The following THSD7B variants were observed in gnomAD, a reference collection of about 807,000 sequenced individuals.
THSD7B encodes the protein thrombospondin type 1 domain containing 7B.
Under a neutral mutation model 213.6 loss-of-function variants are expected in THSD7B, and 138 were observed. The observed-to-expected ratio is 0.65, with a 90% CI of 0.56 to 0.74. THSD7B has a LOEUF of 0.74. Ranked by LOEUF, THSD7B falls within the 30% of genes least tolerant of loss-of-function variation. The pLI is 0.00. For synonymous variants in THSD7B, 742 were observed against 687.0 expected (o/e 1.08, Z -1.25); for missense variants, 1,931 against 1,991.5 (o/e 0.97, Z 0.58).
intron 12 of THSD7B, among the ~76,000 whole-genome samples, chr2:137,361,952 T>G (rs1272293846): frequency 6.6e-6 from 1 of 151,566 alleles, no homozygotes; most frequent in Non-Finnish European, 1.5e-5. Context: ...AAGGTTGAAA[T>G]GAAGGAAAAA....
intron 15 of THSD7B, among the ~76,000 whole-genome samples, chr2:137,540,115 T>C (rs916132621): frequency 1.3e-5 from 2 of 151,686 alleles, no homozygotes; most frequent in African/African-American, 4.8e-5. Flanking sequence ...TGAGCTCTTG[T>C]TGCCACTACT....
chr2:137,110,493 A>G (rs1573829092), intron 4 of THSD7B, among the ~76,000 whole-genome samples: 1 of 151,998 alleles, frequency 6.6e-6, no homozygotes, highest in African/African-American at 2.4e-5. Context: ...CCTTTCTCAG[A>G]GGTTTGGGGT....
At chr2:137,032,277 G>A (rs1266936644) in intron 2 of THSD7B, among the ~76,000 whole-genome samples, 1 of 152,056 alleles carries the variant, frequency 6.6e-6, no homozygotes, top group African/African-American at 2.4e-5. Flanking sequence ...TTGACCTCAG[G>A]TCTTGTCTGG....
intron 15 of THSD7B, among the ~76,000 whole-genome samples, chr2:137,543,470 GA>G (rs1680644867): frequency 6.6e-6 from 1 of 151,808 alleles, no homozygotes; most frequent in African/African-American, 2.4e-5. Flanking sequence ...ATCATATGAA[GA>G]CAGTTATTTA....
At chr2:137,145,216 A>G (rs1679670045) in intron 5 of THSD7B, among the ~76,000 whole-genome samples, 1 of 152,118 alleles carries the variant, frequency 6.6e-6, no homozygotes, top group Admixed American at 6.6e-5. Flanking sequence ...TAACATAACT[A>G]TAGATGAAAG....
chr2:137,257,268 A>T (rs920618037), intron 10 of THSD7B, among the ~76,000 whole-genome samples: 9 of 152,186 alleles, frequency 5.9e-5, no homozygotes, highest in Admixed American at 5.2e-4. Context: ...TGTCTTCATG[A>T]CCTGGAGTGT....
intron 17 of THSD7B, among the ~76,000 whole-genome samples, chr2:137,588,025 C>G (rs1487712007): frequency 6.6e-6 from 1 of 152,190 alleles, no homozygotes; most frequent in African/African-American, 2.4e-5. Context: ...ACTCAAGCCT[C>G]AGCAATGGCA....
At chr2:137,381,916 C>G (rs890274863) in intron 12 of THSD7B, among the ~76,000 whole-genome samples, 9 of 152,182 alleles carry the variant, frequency 5.9e-5, no homozygotes, top group African/African-American at 2.2e-4. Flanking sequence ...TGCTTGGCCA[C>G]TGGACGACTG....
intron 2 of THSD7B, among the ~76,000 whole-genome samples, chr2:136,906,935 GGTT>G (rs1684172097): frequency 3.0e-5 from 2 of 67,428 alleles, no homozygotes; most frequent in South Asian, 9.4e-4. Flanking sequence ...TACATTTCAA[GGTT>G]TTTTTTTTTT....
rs186391531 is a variant in THSD7B at position 137,000,447 on chromosome 2, A to G, written c.140-55973A>G. Among the ~76,000 whole-genome samples, 220 of 152,276 alleles carry G rather than the reference A, an allele frequency of 1.4e-3. 2 individuals carry two copies. The highest frequency in any genetic ancestry group is 4.8e-3 in the African/African-American group (201 of 41,580). ...GCATCATAATTGTGATTGCATAAGT[A>G]TCTTTAGCATTAAGAAGGAAAACTG... On this transcript the variant is annotated intron_variant, in intron 2 of 27. Transcript: ENST00000409968.
At chr2:137,456,589 A>T (rs901570524) in intron 15 of THSD7B, among the ~76,000 whole-genome samples, 3 of 152,212 alleles carry the variant, frequency 2.0e-5, no homozygotes, top group African/African-American at 7.2e-5. Context: ...GGAGCCCCAG[A>T]CTTTACTGGA....
chr2:137,358,251 C>T (rs983148713), intron 12 of THSD7B, among the ~76,000 whole-genome samples: 125 of 152,308 alleles, frequency 8.2e-4, no homozygotes, highest in African/African-American at 3.0e-3. Context: ...TGAAAAGACA[C>T]ATTTTTTAAA....
At chr2:137,334,195 T>TCG (rs1553440453) in intron 12 of THSD7B, among the ~76,000 whole-genome samples, 3 of 140,634 alleles carry the variant, frequency 2.1e-5, no homozygotes, top group African/African-American at 7.6e-5. Flanking sequence ...TCTCTCTCTC[T>TCG]CTCTCTTTCT....
At chr2:136,955,268 T>C (rs1454471291) in intron 2 of THSD7B, among the ~76,000 whole-genome samples, 1 of 152,188 alleles carries the variant, frequency 6.6e-6, no homozygotes, top group Non-Finnish European at 1.5e-5. Flanking sequence ...GATGTATAAA[T>C]GGAAATTTAG....
chr2:137,335,217 C>A (rs186559866), intron 12 of THSD7B, among the ~76,000 whole-genome samples: 1 of 152,188 alleles, frequency 6.6e-6, no homozygotes, highest in East Asian at 1.9e-4. Context: ...ACAATACAAC[C>A]ATTTATAAGT....
In THSD7B at chr2:137,587,727, G is replaced by A. The variant is rs1265963651; in HGVS notation, c.3423+15171G>A. On this transcript the variant is annotated intron_variant, in intron 17 of 27. Coordinates refer to ENST00000409968, the MANE Select transcript of THSD7B (RefSeq NM_001316349.2). ...GTCTCAGAGGGGTACCTGGCCGTGT[G>A]AGGTGTCAATCTGCCCCTACTGGGC... Among the ~76,000 whole-genome samples, 6 of 152,234 alleles carry A rather than the reference G, an allele frequency of 3.9e-5. No homozygotes were observed. In the East Asian group the frequency reaches 1.2e-3, roughly 29 times the overall value.
chr2:137,571,101 ACCT>A (rs1681346274), intron 16 of THSD7B, among the ~76,000 whole-genome samples: 2 of 152,200 alleles, frequency 1.3e-5, no homozygotes, highest in Admixed American at 1.3e-4. Context: ...TATCAAGACT[ACCT>A]AAGTCCCTAT....
chr2:137,557,998 C>T (rs1314433633), intron 15 of THSD7B, among the ~76,000 whole-genome samples: 1 of 152,080 alleles, frequency 6.6e-6, no homozygotes, highest in Non-Finnish European at 1.5e-5. Context: ...ATATACCCTC[C>T]CAAGACTAAA....
intron 1 of THSD7B, among the ~76,000 whole-genome samples, chr2:136,799,300 G>GA (rs140451435): frequency 0.037 from 5,538 of 149,300 alleles, 319 homozygotes; most frequent in African/African-American, 0.13. Flanking sequence ...TTGGGAGATT[G>GA]AAAAAAAAAG....
Sources: allele counts gnomAD v4.1 joint callset (sites outside exome capture counted in the v4.1 genomes callset), GRCh38; gene constraint gnomAD v4.1.1; transcripts MANE v1.5; gene names NCBI Gene and HGNC (gene_info 2026-07-23, HGNC 2026-07-21).